The following TM4SF5 variants were observed in gnomAD, a reference collection of about 807,000 sequenced individuals.
TM4SF5 encodes the protein transmembrane 4 L6 family member 5.
In TM4SF5, 16 loss-of-function variants were observed where a neutral mutation model predicts 22.3. The ratio of observed to expected loss-of-function variants is 0.72; its 90% CI spans 0.49 to 1.09. TM4SF5 has a LOEUF of 1.09. Ranked by LOEUF, TM4SF5 falls within the 50% of genes least tolerant of loss-of-function variation. The pLI is 0.00. For synonymous variants in TM4SF5, 113 were observed against 109.6 expected, an observed-to-expected ratio of 1.03 and a Z score of -0.19; for missense variants, 249 against 266.1, an observed-to-expected ratio of 0.94 and a Z score of 0.45.
Position 4,780,150 on chromosome 17 carries a change from G to A in TM4SF5, c.178-639G>A, listed in dbSNP as rs1208609673. Among the ~76,000 whole-genome samples, 4 of 150,144 alleles carry A rather than the reference G, an allele frequency of 2.7e-5. No homozygotes were observed. In the Admixed American group the frequency reaches 2.7e-4, roughly 10 times the overall value. ...AGCTCACCACAACCTCCACCTCCCA[G>A]GTTCAAGTAATTCTCCTGCCTCAGC... On this transcript the variant is annotated intron_variant, in intron 1 of 4. Coordinates refer to ENST00000270560, the MANE Select transcript of TM4SF5 (RefSeq NM_003963.3).
In TM4SF5 at chr17:4,778,798, T is replaced by G. The variant is rs1388610520; in HGVS notation, c.178-1991T>G. ...CTTGGCCAGGCGCGGTGGCTCACGC[T>G]TGTAATCCCAGCACTTTGGGAGGCT... On this transcript the variant is annotated intron_variant, in intron 1 of 4. Coordinates refer to ENST00000270560, the MANE Select transcript of TM4SF5 (RefSeq NM_003963.3). Among the ~76,000 whole-genome samples the G allele has an allele frequency of 2.0e-5, 3 of 151,528 alleles. No homozygotes were observed. In the East Asian group the frequency reaches 5.8e-4, roughly 30 times the overall value.
chr17:4,780,535 C>T (rs1324244983), intron 1 of TM4SF5, among the ~76,000 whole-genome samples: 1 of 152,110 alleles, frequency 6.6e-6, no homozygotes, highest in African/African-American at 2.4e-5. Context: ...CTACTATGTG[C>T]CAAGATTGGG....
intron 1 of TM4SF5, among the ~76,000 whole-genome samples, chr17:4,778,512 T>C (rs1348230519): frequency 6.6e-6 from 1 of 151,410 alleles, no homozygotes; most frequent in Non-Finnish European, 1.5e-5. Context: ...GAGGCCGAGG[T>C]GAGAAGATCA....
At chr17:4,781,867 C>T (rs59999069) in intron 2 of TM4SF5, among the ~76,000 whole-genome samples, 9,582 of 151,844 alleles carry the variant, frequency 0.063, 1,025 homozygotes, top group African/African-American at 0.22. Context: ...TGCAGTTAGG[C>T]TAACCTGAAA....
chr17:4,781,912 TC>T (rs941008297), intron 2 of TM4SF5, among the ~76,000 whole-genome samples: 7 of 149,974 alleles, frequency 4.7e-5, no homozygotes, highest in Admixed American at 1.3e-4. Context: ...GGGTTGTAGT[TC>T]CCCCCTCTCC....
chr17:4,775,425 A>ATT, intron 1 of TM4SF5, among the ~76,000 whole-genome samples: 1 of 144,446 alleles, frequency 6.9e-6, no homozygotes, highest in South Asian at 2.2e-4. Context: ...CGCACAGCAA[A>ATT]TTTTTTTTTT....
chr17:4,782,721 G>T (rs1917335905), intron 3 of TM4SF5, 82 bp downstream of exon 3: 18 of 1,588,024 alleles, frequency 1.1e-5, no homozygotes, highest in Non-Finnish European at 1.5e-5. Context: ...ACACCTGGGC[G>T]GGACTCGACT....
intron 2 of TM4SF5, among the ~76,000 whole-genome samples, chr17:4,782,091 ATTTT>A (rs376659055): frequency 7.0e-6 from 1 of 141,950 alleles, no homozygotes; most frequent in African/African-American, 2.6e-5. Context: ...CGAATTTCTA[ATTTT>A]TTTTTTTTTT....
intron 1 of TM4SF5, among the ~76,000 whole-genome samples, chr17:4,774,761 G>C (rs2011630559): frequency 6.6e-6 from 1 of 152,040 alleles, no homozygotes; most frequent in African/African-American, 2.4e-5. Flanking sequence ...ACAAAAATTA[G>C]CCAGGCGTGG....
At chr17:4,779,990 C>T (rs1319764972) in intron 1 of TM4SF5, among the ~76,000 whole-genome samples, 1 of 151,968 alleles carries the variant, frequency 6.6e-6, no homozygotes, top group Non-Finnish European at 1.5e-5. Flanking sequence ...CCAGACACTC[C>T]AACACCTCTA....
In TM4SF5 at chr17:4,780,808, C is replaced by T; in HGVS notation, c.197C>T (p.Ala66Val). ...CCACAGGTACTGTGTCCGGGGATTG[C>T]AGCCGTTCGGGCAGGGGGCAAGGGC... ...GGLMVLCPGIAAVRAGGKGCC... is the reference protein window; with the variant it reads ...GGLMVLCPGIVAVRAGGKGCC... The change falls in exon 2 of 5, where the codon GCA becomes GTA. Residue 66 changes from alanine (A) to valine (V), a missense_variant. Coordinates refer to ENST00000270560, the MANE Select transcript of TM4SF5 (RefSeq NM_003963.3). The T allele has an allele frequency of 6.2e-7, 1 of 1,610,520 alleles. No individual in the cohort carries two copies. Among genetic ancestry groups the T allele is most frequent in the South Asian group, 1.1e-5 (1 of 90,180 alleles).
intron 1 of TM4SF5, among the ~76,000 whole-genome samples, chr17:4,776,365 C>T (rs1232599218): frequency 3.3e-5 from 5 of 150,816 alleles, no homozygotes; most frequent in Non-Finnish European, 7.4e-5. Flanking sequence ...ACAATGGCGC[C>T]ATCTCGGCTC....
At position 4,771,982 on chromosome 17, in the gene TM4SF5, C is replaced by G; in HGVS notation, c.60C>G (p.Val20=). ...TCTCCCTCATTACCCTCTGCCTCGT[C>G]TGCATTGTGGCCAACGCCCTCCTGC... The part of the protein sequence containing the change: ...VGLSLITLCL[V]CIVANALLLV... Residue 20 remains valine, a synonymous_variant, in exon 1 of 5, where the codon GTC becomes GTG. Coordinates refer to ENST00000270560, the MANE Select transcript of TM4SF5 (RefSeq NM_003963.3). The G allele has an allele frequency of 6.2e-7, 1 of 1,614,220 alleles. No homozygotes were observed. Among genetic ancestry groups the G allele is most frequent in the South Asian group, 1.1e-5 (1 of 91,088 alleles).
Position 4,780,850 on chromosome 17 carries a change from G to A in TM4SF5, c.239G>A (p.Cys80Tyr), listed in dbSNP as rs373479840. The A allele has an allele frequency of 8.1e-6, 13 of 1,611,988 alleles. No homozygotes were observed. In the African/African-American group the frequency reaches 1.6e-4, roughly 20 times the overall value. ...GGCAAGGGCTGCTGTGGTGCTGGGT[G>A]CTGTGGAAACCGCTGCAGGGTAAGA... Reference protein sequence around the residue: ...AGGKGCCGAGCCGNRCRMLRS... With the variant: ...AGGKGCCGAGYCGNRCRMLRS... The change falls in exon 2 of 5, where the codon TGC becomes TAC. Residue 80 changes from cysteine to tyrosine, a missense_variant. Transcript: ENST00000270560.
At chr17:4,782,778 C>T (rs183203129) in intron 3 of TM4SF5, 76 bp from the exon 4 acceptor site, 2 of 1,574,402 alleles carry the variant, frequency 1.3e-6, no homozygotes, top group African/African-American at 2.7e-5. Context: ...TAGCAAATCC[C>T]CTGGGACGTA....
intron 1 of TM4SF5, 111 bp downstream of exon 1, chr17:4,772,210 G>A: frequency 7.3e-7 from 1 of 1,374,258 alleles, no homozygotes; most frequent in South Asian, 1.3e-5. Flanking sequence ...GGAGAGGATG[G>A]CAATGGCTTC....
At chr17:4,774,778 A>G (rs2150645234) in intron 1 of TM4SF5, among the ~76,000 whole-genome samples, 2 of 152,112 alleles carry the variant, frequency 1.3e-5, no homozygotes, top group South Asian at 4.2e-4. Flanking sequence ...GTGGTGGCGC[A>G]TGCCTGTAGT....
chr17:4,778,833 G>A (rs898614473), intron 1 of TM4SF5, among the ~76,000 whole-genome samples: 16 of 152,044 alleles, frequency 1.1e-4, no homozygotes, highest in East Asian at 1.9e-4. Flanking sequence ...TGAGGCAGGC[G>A]GATCACGAGG....
At position 4,783,187 on chromosome 17, in the gene TM4SF5, C is replaced by T. The variant is rs374219311; in HGVS notation, c.*59C>T. On this transcript the variant is annotated 3_prime_UTR_variant, in exon 5 of 5. Transcript: ENST00000270560. ...TCCTGGACGCTCACTCCCTTGCTCG[C>T]TAGAATAAACTGCTTTGCGCTCTCT... 7.2e-3 allele frequency: 6,949 copies of T among 962,270 alleles called. 46 individuals are homozygous for T. Among genetic ancestry groups the T allele is most frequent in the South Asian group, 0.026 (1,147 of 44,068 alleles). The allele number at this position is 962,270 out of a possible 1,614,324, so 59.6% of individuals were successfully genotyped here.
Sources: gnomAD v4.1 joint callset for allele counts (sites outside exome capture counted in the v4.1 genomes callset) on GRCh38, gnomAD v4.1.1 for gene constraint, MANE v1.5 for transcripts, NCBI Gene and HGNC (gene_info 2026-07-23, HGNC 2026-07-21) for gene names.